CCSER1: variants seen among roughly 807,000 people sequenced by gnomAD.
The protein encoded by CCSER1 is serine-rich coiled-coil domain-containing protein 1.
CCSER1 carries 41 observed loss-of-function variants against 82.0 expected under a neutral mutation model. That is an observed-to-expected ratio of 0.50 (90% CI 0.39 to 0.65). CCSER1 has a LOEUF of 0.65. Ranked by LOEUF, CCSER1 falls within the 30% of genes least tolerant of loss-of-function variation. CCSER1 has a pLI of 0.00. For synonymous variants in CCSER1, 414 were observed against 383.9 expected, an observed-to-expected ratio of 1.08 and a Z score of -0.92; for missense variants, 1,119 against 1,064.2, an observed-to-expected ratio of 1.05 and a Z score of -0.72.
At chr4:91,085,904 T>A in intron 9 of CCSER1, 46 bp from the exon 10 acceptor site, 1 of 1,059,428 alleles carries the variant, frequency 9.4e-7, no homozygotes, top group Admixed American at 2.2e-5. Flanking sequence ...AATTATTATT[T>A]AATTCTTCGT....
chr4:91,479,200 C>T (rs1322940457), intron 10 of CCSER1, among the ~76,000 whole-genome samples: 1 of 149,868 alleles, frequency 6.7e-6, no homozygotes, highest in African/African-American at 2.4e-5. Flanking sequence ...ATAAAATTAA[C>T]TTTTATTATG....
At chr4:91,164,107 T>C (rs1443990943) in intron 10 of CCSER1, among the ~76,000 whole-genome samples, 2 of 152,164 alleles carry the variant, frequency 1.3e-5, no homozygotes, top group Non-Finnish European at 2.9e-5. Context: ...CTTCAGGAGC[T>C]CTTGTAAGGC....
chr4:90,543,098 A>G (rs1434448925), intron 5 of CCSER1, among the ~76,000 whole-genome samples: 2 of 152,106 alleles, frequency 1.3e-5, no homozygotes, highest in East Asian at 3.9e-4. Flanking sequence ...TAGAAACTGA[A>G]TAGATTTTGA....
chr4:91,169,656 G>C lies in CCSER1; in HGVS notation c.2217+83662G>C, dbSNP rs1732547449. 2.0e-5 allele frequency among the ~76,000 whole-genome samples: 3 copies of C among 151,798 alleles called. No homozygotes were observed. In the South Asian group the frequency reaches 6.2e-4, roughly 32 times the overall value. On this transcript the variant is annotated intron_variant, in intron 10 of 10. Transcript: ENST00000509176. The stretch of plus-strand genomic sequence containing the variant: ...TAAGTAAACTTGTATTTAAATACAA[G>C]TATTCAAAACTTGTATTAGACAGTG...
chr4:90,909,508 T>C (rs2150183974), intron 8 of CCSER1, among the ~76,000 whole-genome samples: 1 of 152,284 alleles, frequency 6.6e-6, no homozygotes, highest in East Asian at 1.9e-4. Context: ...TTTAGAGATG[T>C]AATTAACTGA....
intron 1 of CCSER1, among the ~76,000 whole-genome samples, chr4:90,169,840 G>A (rs972592473): frequency 6.6e-6 from 1 of 151,710 alleles, no homozygotes; most frequent in Non-Finnish European, 1.5e-5. Flanking sequence ...CTTATCTAGT[G>A]TCCCTCTCAC....
At chr4:90,143,332 T>C (rs1485027599) in intron 1 of CCSER1, among the ~76,000 whole-genome samples, 1 of 152,202 alleles carries the variant, frequency 6.6e-6, no homozygotes, top group Non-Finnish European at 1.5e-5. Context: ...ATGTACCATA[T>C]ACCTTTCTTT....
At chr4:91,519,966 C>CCAGT (rs1760365539) in intron 10 of CCSER1, among the ~76,000 whole-genome samples, 1 of 152,120 alleles carries the variant, frequency 6.6e-6, no homozygotes, top group African/African-American at 2.4e-5. Flanking sequence ...AATCATTATG[C>CCAGT]CAGTATCTGC....
At chr4:90,456,854 A>G (rs773306793) in intron 4 of CCSER1, among the ~76,000 whole-genome samples, 1 of 152,140 alleles carries the variant, frequency 6.6e-6, no homozygotes, top group Non-Finnish European at 1.5e-5. Context: ...CCAAAATGTC[A>G]TAGGATCCTC....
rs773113456 is a variant in CCSER1, at chr4:90,723,911, C to CA, written c.1933-2dup. ...ATTAAATTCAATTTCACTGTCCTTG[C>CA]AGAGTGCAGACATGAGTCCAGCAAG... On this transcript the variant is annotated splice_region_variant and splice_polypyrimidine_tract_variant and intron_variant, in intron 6 of 10. Transcript: ENST00000509176. 4 of 1,510,150 alleles carry CA rather than the reference C, an allele frequency of 2.6e-6. No homozygotes were observed. In the South Asian group the frequency reaches 5.5e-5, roughly 21 times the overall value. 93.5% of individuals were successfully genotyped at this position (1,510,150 alleles called of 1,614,324 possible).
chr4:91,033,587 T>C (rs1741172095), intron 9 of CCSER1, among the ~76,000 whole-genome samples: 1 of 152,154 alleles, frequency 6.6e-6, no homozygotes, highest in African/African-American at 2.4e-5. Flanking sequence ...ATCTTGTTCA[T>C]TTTAAGCCCT....
At chr4:91,087,932 A>G (rs1275541974) in intron 10 of CCSER1, among the ~76,000 whole-genome samples, 2 of 152,186 alleles carry the variant, frequency 1.3e-5, no homozygotes, top group Admixed American at 1.3e-4. Context: ...TAGGTGAAGT[A>G]TGTTGTAAAA....
intron 10 of CCSER1, among the ~76,000 whole-genome samples, chr4:91,199,720 A>G (rs1735748373): frequency 6.6e-6 from 1 of 152,062 alleles, no homozygotes; most frequent in Non-Finnish European, 1.5e-5. Flanking sequence ...TCATTTAAAA[A>G]TAAATGTATT....
intron 10 of CCSER1, among the ~76,000 whole-genome samples, chr4:91,379,688 C>A (rs1429639585): frequency 6.6e-6 from 1 of 151,990 alleles, no homozygotes; most frequent in Non-Finnish European, 1.5e-5. Flanking sequence ...TTGATCTTTT[C>A]AAAAAACCAG....
intron 9 of CCSER1, among the ~76,000 whole-genome samples, chr4:90,957,653 TA>T (rs1259270035): frequency 8.0e-6 from 1 of 125,576 alleles, no homozygotes; most frequent in African/African-American, 3.0e-5. Context: ...AATATATAAT[TA>T]TATATATAAC....
chr4:91,205,645 C>T (rs1736282481), intron 10 of CCSER1, among the ~76,000 whole-genome samples: 1 of 151,156 alleles, frequency 6.6e-6, no homozygotes, highest in African/African-American at 2.4e-5. Flanking sequence ...CCCTATCTTC[C>T]TTGCTTTCCT....
intron 10 of CCSER1, among the ~76,000 whole-genome samples, chr4:91,180,890 A>G (rs1170604105): frequency 6.6e-6 from 1 of 152,100 alleles, no homozygotes; most frequent in Admixed American, 6.5e-5. Flanking sequence ...ATTAACTGAA[A>G]GTATCCCTTA....
At chr4:91,590,059 T>C (rs1412941604) in intron 10 of CCSER1, among the ~76,000 whole-genome samples, 2 of 152,084 alleles carry the variant, frequency 1.3e-5, no homozygotes, top group Non-Finnish European at 1.5e-5. Context: ...ATGTTTTCAC[T>C]TGTCCTTTGA....
intron 4 of CCSER1, among the ~76,000 whole-genome samples, chr4:90,406,298 A>G (rs575987213): frequency 6.6e-6 from 1 of 152,324 alleles, no homozygotes; most frequent in African/African-American, 2.4e-5. Context: ...GAGTAGTCCA[A>G]TAGGAAAATA....
Sources: gnomAD v4.1 joint callset for allele counts (sites outside exome capture counted in the v4.1 genomes callset) on GRCh38, gnomAD v4.1.1 for gene constraint, MANE v1.5 for transcripts, NCBI Gene and HGNC (gene_info 2026-07-23, HGNC 2026-07-21) for gene names.